The following FOXP1 variants were observed in gnomAD, a reference collection of about 807,000 sequenced individuals.
FOXP1 encodes forkhead box P1.
In FOXP1, 15 loss-of-function variants were observed where a neutral mutation model predicts 98.2. That is an observed-to-expected ratio of 0.15 (90% CI 0.10 to 0.24). The LOEUF is 0.24. FOXP1 is among the 10% of genes least tolerant of loss of function. The probability of loss-of-function intolerance (pLI) is 1.00; values close to 1 mark genes in which losing one functional copy is unlikely to be tolerated. For synonymous variants in FOXP1, 371 were observed against 314.5 expected, an observed-to-expected ratio of 1.18 and a Z score of -1.90; for missense variants, 633 against 848.5, an observed-to-expected ratio of 0.75 and a Z score of 3.15.
At chr3:71,462,056 A>G (rs761011750) in intron 3 of FOXP1, among the ~76,000 whole-genome samples, 10 of 152,274 alleles carry the variant, frequency 6.6e-5, no homozygotes, top group South Asian at 2.1e-4. Flanking sequence ...TGGTGTTGAT[A>G]TTGTCTGCCT....
intron 19 of FOXP1, among the ~76,000 whole-genome samples, chr3:70,966,839 CTTTA>C (rs1434902449): frequency 1.3e-5 from 2 of 152,160 alleles, no homozygotes; most frequent in Non-Finnish European, 2.9e-5. Context: ...AAATCCTAAA[CTTTA>C]TTTAGGATAG....
chr3:71,265,393 G>C (rs977563820), intron 5 of FOXP1, among the ~76,000 whole-genome samples: 1 of 152,190 alleles, frequency 6.6e-6, no homozygotes, highest in Admixed American at 6.5e-5. Flanking sequence ...ATGGCTCCTA[G>C]TTCCAGAAAT....
chr3:71,259,818 C>T (rs757698633), intron 5 of FOXP1, among the ~76,000 whole-genome samples: 2 of 152,144 alleles, frequency 1.3e-5, no homozygotes, highest in South Asian at 4.1e-4. Context: ...CTGCTAGTTA[C>T]GTATAAAGTC....
chr3:71,171,389 T>G (rs1328985051), intron 6 of FOXP1, among the ~76,000 whole-genome samples: 2 of 152,204 alleles, frequency 1.3e-5, no homozygotes. Flanking sequence ...CTGCACATAT[T>G]TTCGCTATTC....
chr3:71,191,297 T>G (rs1321752921), intron 6 of FOXP1, among the ~76,000 whole-genome samples: 1 of 152,178 alleles, frequency 6.6e-6, no homozygotes, highest in African/African-American at 2.4e-5. Flanking sequence ...ACCATTAAAG[T>G]CATACCTCCT....
chr3:71,272,762 A>AT (rs59137830), intron 5 of FOXP1, among the ~76,000 whole-genome samples: 39,664 of 151,886 alleles, frequency 0.26, 5,296 homozygotes, highest in Admixed American at 0.32. Flanking sequence ...TCTGCCCCTT[A>AT]TTAGGGTCAC....
intron 4 of FOXP1, among the ~76,000 whole-genome samples, chr3:71,324,184 A>T (rs1013638954): frequency 5.3e-5 from 8 of 152,144 alleles, no homozygotes; most frequent in Non-Finnish European, 1.2e-4. Flanking sequence ...TTTGTCTTAA[A>T]TTTAGCCATT....
chr3:71,111,396 AT>A (rs926371073), intron 7 of FOXP1, among the ~76,000 whole-genome samples: 1 of 151,994 alleles, frequency 6.6e-6, no homozygotes, highest in East Asian at 1.9e-4. Flanking sequence ...CCCAAATTAG[AT>A]TTTTTTTGTT....
chr3:71,533,498 A>G (rs2044030676), intron 2 of FOXP1, among the ~76,000 whole-genome samples: 1 of 152,224 alleles, frequency 6.6e-6, no homozygotes, highest in African/African-American at 2.4e-5. Context: ...TTGACTGTTT[A>G]TGTTACCAGG....
At chr3:71,013,020 G>T (rs563220739) in intron 12 of FOXP1, among the ~76,000 whole-genome samples, 21 of 152,182 alleles carry the variant, frequency 1.4e-4, no homozygotes, top group Non-Finnish European at 8.8e-5. Context: ...AAAAATGGAG[G>T]GCAGTTTGGT....
chr3:71,188,158 C>T (rs893713869), intron 6 of FOXP1, among the ~76,000 whole-genome samples: 3 of 152,138 alleles, frequency 2.0e-5, no homozygotes, highest in Admixed American at 6.5e-5. Flanking sequence ...AGACATTTTA[C>T]GCACAATTTT....
intron 19 of FOXP1, 62 bp downstream of exon 19, chr3:70,970,674 T>G (rs748596159): frequency 3.9e-6 from 5 of 1,282,856 alleles, no homozygotes; most frequent in Non-Finnish European, 5.7e-6. Flanking sequence ...GCTAATATAT[T>G]TTGAAATGAG....
chr3:71,205,042 T>C (rs1474272), intron 5 of FOXP1, among the ~76,000 whole-genome samples: 26,886 of 152,118 alleles, frequency 0.18, 3,392 homozygotes, highest in African/African-American at 0.35. Flanking sequence ...TTCTAAAGCA[T>C]GGCAGTTCAA....
chr3:71,309,484 G>A (rs1396196205), intron 4 of FOXP1, among the ~76,000 whole-genome samples: 2 of 150,484 alleles, frequency 1.3e-5, no homozygotes, highest in Non-Finnish European at 2.9e-5. Context: ...AGAAAATATC[G>A]CCAAGGGCAA....
chr3:71,545,444 A>G (rs1236884403), intron 2 of FOXP1, among the ~76,000 whole-genome samples: 1 of 152,240 alleles, frequency 6.6e-6, no homozygotes, highest in Non-Finnish European at 1.5e-5. Flanking sequence ...GAGTTACACA[A>G]GATTTCAAAA....
intron 2 of FOXP1, among the ~76,000 whole-genome samples, chr3:71,507,387 A>G (rs1347062710): frequency 6.6e-6 from 1 of 152,124 alleles, no homozygotes; most frequent in Non-Finnish European, 1.5e-5. Flanking sequence ...ACAAAGGAAT[A>G]CATCACAGCA....
intron 7 of FOXP1, among the ~76,000 whole-genome samples, chr3:71,087,355 A>C (rs935682267): frequency 6.6e-6 from 1 of 152,212 alleles, no homozygotes; most frequent in African/African-American, 2.4e-5. Context: ...TAATTGATCA[A>C]ACAACGACAA....
At chr3:71,378,058 A>G (rs933484663) in intron 3 of FOXP1, among the ~76,000 whole-genome samples, 2 of 149,914 alleles carry the variant, frequency 1.3e-5, no homozygotes, top group African/African-American at 4.9e-5. Context: ...ATTCCTTTCC[A>G]AATCATATGC....
chr3:70,973,186 A>G (rs73838118), intron 17 of FOXP1, among the ~76,000 whole-genome samples: 10,320 of 152,006 alleles, frequency 0.068, 1,167 homozygotes, highest in African/African-American at 0.23. Context: ...TTTACCGTTG[A>G]GAGTATCGCC....
Sources: allele counts gnomAD v4.1 joint callset (sites outside exome capture counted in the v4.1 genomes callset), GRCh38; gene constraint gnomAD v4.1.1; transcripts MANE v1.5; gene names NCBI Gene and HGNC (gene_info 2026-07-23, HGNC 2026-07-21).